The following MIB1 variants were observed in gnomAD, a reference collection of about 807,000 sequenced individuals.
MIB1 encodes MIB E3 ubiquitin protein ligase 1, also known as E3 ubiquitin-protein ligase MIB1.
In MIB1, 278 loss-of-function variants were observed where a neutral mutation model predicts 124.5. The observed-to-expected ratio is 2.23, with a 90% CI of 2.02 to 2.47. The LOEUF is 2.47. Ranked by LOEUF, MIB1 falls within the 30% of genes most tolerant of loss-of-function variation. The pLI is 0.00. For synonymous variants in MIB1, 446 were observed against 429.4 expected (o/e 1.04, Z -0.48); for missense variants, 957 against 1,254.4 (o/e 0.76, Z 3.58).
intron 12 of MIB1, chr18:21,825,481 C>T (rs527739246): frequency 8.1e-5 from 23 of 285,334 alleles, no homozygotes; most frequent in South Asian, 6.5e-4. Context: ...TACCAAGAGA[C>T]CATAATAAGT....
upstream of MIB1, among the ~76,000 whole-genome samples, chr18:21,739,405 G>C (rs1305177781): frequency 2.0e-5 from 3 of 152,052 alleles, no homozygotes; most frequent in Admixed American, 2.0e-4. Context: ...CCAAACAACA[G>C]AAAAAGAGGG....
chr18:21,713,354 A>G (rs112744603), intron 1 of MIB1, among the ~76,000 whole-genome samples: 10,558 of 146,574 alleles, frequency 0.072, 802 homozygotes, highest in African/African-American at 0.2. Flanking sequence ...GCTCACGCCT[A>G]TAATCCCAGC....
rs1304879846 is a variant in MIB1 at position 21,843,217 on chromosome 18, G to A, written c.2049G>A (p.Arg683=). ...AACGACAGCATACCCAGATTGTTAG[G>A]GTAAAGTATTGACATACATTTTAGC... is the stretch of plus-strand genomic sequence containing the variant. ...AVERQHTQIV[R]LLVRAGAKLD... is the part of the protein sequence containing the mutation. The change falls in exon 14 of 21, where the codon AGG becomes AGA. Residue 683 remains arginine (R), a splice_region_variant and synonymous_variant. Transcript: ENST00000261537. The A allele has an allele frequency of 1.3e-6, 2 of 1,569,916 alleles. No homozygotes were observed. Among genetic ancestry groups the A allele is most frequent in the East Asian group, 2.4e-5 (1 of 42,496 alleles).
chr18:21,741,520 G>A lies in MIB1; in HGVS notation c.-64G>A. On this transcript the variant is annotated 5_prime_UTR_variant, in exon 1 of 21. Coordinates refer to ENST00000261537, the MANE Select transcript of MIB1 (RefSeq NM_020774.4). This position sits in a 1 kb window ranked among gnomAD's most constrained non-coding sequence, Gnocchi z 5.4. ...TCCGGCCCGGGCCCAACTCCCTCAC[G>A]GGCCCCCCGGCGGCAGCGGCGGCGG... 1 of 1,174,690 alleles carries A rather than the reference G, an allele frequency of 8.5e-7. No individual in the cohort carries two copies. Among genetic ancestry groups the A allele is most frequent in the Non-Finnish European group, 1.1e-6 (1 of 932,696 alleles). 72.8% of individuals were successfully genotyped at this position (1,174,690 alleles called of 1,614,324 possible).
chr18:21,778,766 G>T (rs947373417), intron 5 of MIB1, among the ~76,000 whole-genome samples: 3 of 151,878 alleles, frequency 2.0e-5, no homozygotes, highest in Non-Finnish European at 4.4e-5. Flanking sequence ...GTCGCAAAAA[G>T]TGCTGTTTTT....
At chr18:21,824,374 T>C (rs1021466204) in intron 12 of MIB1, among the ~76,000 whole-genome samples, 1 of 152,170 alleles carries the variant, frequency 6.6e-6, no homozygotes, top group African/African-American at 2.4e-5. Context: ...TTCTGAAATA[T>C]GGTCTGTAAA....
intron 13 of MIB1, among the ~76,000 whole-genome samples, chr18:21,838,808 G>T (rs2042057076): frequency 6.6e-6 from 1 of 152,164 alleles, no homozygotes; most frequent in African/African-American, 2.4e-5. Flanking sequence ...CACTGTTACG[G>T]AAGTATCATC....
At chr18:21,734,478 T>TTC (rs60128500) in intron 1 of MIB1, among the ~76,000 whole-genome samples, 40 of 149,224 alleles carry the variant, frequency 2.7e-4, no homozygotes, top group Middle Eastern at 3.4e-3. Flanking sequence ...CTCTCTCTCT[T>TTC]TCTCTCTCTC....
intron 1 of MIB1, chr18:21,712,222 T>C (rs1279747012): frequency 1.3e-5 from 2 of 152,674 alleles, no homozygotes; most frequent in African/African-American, 4.8e-5. Context: ...TGAAGCTCTT[T>C]GTCATTTTTT....
chr18:21,843,067 A>G, intron 13 of MIB1, 64 bp from the exon 14 acceptor site: 3 of 1,158,636 alleles, frequency 2.6e-6, no homozygotes, highest in South Asian at 1.4e-5. Flanking sequence ...ATGAGTAGTT[A>G]TAGTTTTCAT....
chr18:21,751,328 G>T (rs1300053840), intron 1 of MIB1, among the ~76,000 whole-genome samples: 2 of 152,098 alleles, frequency 1.3e-5, no homozygotes, highest in African/African-American at 4.8e-5. Flanking sequence ...CCAGGCTGGG[G>T]TGCAGTGGCA....
chr18:21,843,200 CATACCCAGATTGTTAGGGTAAAG>C lies in MIB1; in HGVS notation c.2033_2049+6del. On this transcript the variant is annotated splice_donor_variant and splice_donor_5th_base_variant and coding_sequence_variant and intron_variant, in exon 14 of 21. Transcript: ENST00000261537. LOFTEE classifies it high-confidence loss of function. ...CCTACACCTTGCTGTTGAACGACAG[CATACCCAGATTGTTAGGGTAAAG>C]TATTGACATACATTTTAGCTTATAA... The C allele has an allele frequency of 6.3e-7, 1 of 1,591,672 alleles. No homozygotes were observed. Among genetic ancestry groups the C allele is most frequent in the Non-Finnish European group, 8.5e-7 (1 of 1,171,598 alleles).
chr18:21,858,667 A>G, intron 20 of MIB1, 21 bp downstream of exon 20: 1 of 1,221,772 alleles, frequency 8.2e-7, no homozygotes, highest in Middle Eastern at 1.9e-4. Context: ...TTTCATGTAA[A>G]CAGTGATGCT....
chr18:21,759,303 C>T (rs2041070699), intron 1 of MIB1, among the ~76,000 whole-genome samples: 2 of 151,688 alleles, frequency 1.3e-5, no homozygotes, highest in South Asian at 2.1e-4. Context: ...AGTGCAGTGG[C>T]GTGATCTCGG....
Position 21,864,708 on chromosome 18 carries a change from A to AC in MIB1, c.*42_*43insC, listed in dbSNP as rs2042307495. 6.6e-7 allele frequency: 1 copy of AC among 1,523,944 alleles called. No homozygotes were observed. Among genetic ancestry groups the AC allele is most frequent in the East Asian group, 2.3e-5 (1 of 44,258 alleles). The allele number at this position is 1,523,944 out of a possible 1,614,324, so 94.4% of individuals were successfully genotyped here. On this transcript the variant is annotated 3_prime_UTR_variant, in exon 21 of 21. Coordinates refer to ENST00000261537, the MANE Select transcript of MIB1 (RefSeq NM_020774.4). Reference sequence around the variant, plus strand: ...ATTTTGTTAGCTAATGTATCTAGTCATGAGATCTTAATAGGCTTTTGATCT... The same window carrying AC: ...ATTTTGTTAGCTAATGTATCTAGTCACTGAGATCTTAATAGGCTTTTGATCT...
upstream of MIB1, among the ~76,000 whole-genome samples, chr18:21,735,808 G>C (rs2040794356): frequency 1.3e-5 from 2 of 152,350 alleles, no homozygotes; most frequent in Non-Finnish European, 1.5e-5. Flanking sequence ...TGACACTGCA[G>C]CCAGACTGCC....
At chr18:21,815,091 A>G in intron 10 of MIB1, among the ~76,000 whole-genome samples, 1 of 141,938 alleles carries the variant, frequency 7.0e-6, no homozygotes, top group South Asian at 2.2e-4. Flanking sequence ...ATAAATAAAT[A>G]AATACATATA....
At position 21,765,909 on chromosome 18, in the gene MIB1, C is replaced by A; in HGVS notation, c.367C>A (p.Arg123Ser). The A allele has an allele frequency of 6.2e-7, 1 of 1,614,030 alleles. No homozygotes were observed. Among genetic ancestry groups the A allele is most frequent in the South Asian group, 1.1e-5 (1 of 91,066 alleles). ...YHGDKHHLRH[R>S]FYRITTPGSE... ...TGGAGATAAACATCATTTAAGACAT[C>A]GCTTTTACCGAATTACTACACCGGG... Residue 123 changes from arginine to serine, a missense_variant, in exon 2 of 21, where the codon CGC (arginine) becomes AGC (serine). Transcript: ENST00000261537.
intron 1 of MIB1, among the ~76,000 whole-genome samples, chr18:21,728,027 A>T (rs1004869897): frequency 3.3e-5 from 5 of 152,274 alleles, no homozygotes; most frequent in African/African-American, 1.2e-4. Context: ...GCGAATAAAC[A>T]TGTGTTTTAA....
Sources: gnomAD v4.1 joint callset for allele counts (sites outside exome capture counted in the v4.1 genomes callset) on GRCh38, gnomAD v4.1.1 for gene constraint, Gnocchi (gnomAD v3.1) non-coding constraint, MANE v1.5 for transcripts, NCBI Gene and HGNC (gene_info 2026-07-23, HGNC 2026-07-21) for gene names.